The following SMYD3 variants were observed in gnomAD, a reference collection of about 807,000 sequenced individuals.
SMYD3 encodes the protein SET and MYND domain containing 3.
SMYD3 carries 36 observed loss-of-function variants against 57.7 expected under a neutral mutation model. The ratio of observed to expected loss-of-function variants is 0.62; its 90% CI spans 0.48 to 0.82. The LOEUF (loss-of-function observed/expected upper bound fraction) is 0.82, where lower values mean the gene tolerates loss of function less well. Among genes scored for constraint, SMYD3 ranks in the 40% least tolerant of loss-of-function variants. The pLI is 0.00. For missense variants in SMYD3, 515 were observed against 538.8 expected, an observed-to-expected ratio of 0.96 and a Z score of 0.44; for synonymous variants, 211 against 195.0, an observed-to-expected ratio of 1.08 and a Z score of -0.68.
chr1:246,155,372 G>A (rs969231240), intron 5 of SMYD3, among the ~76,000 whole-genome samples: 2 of 152,086 alleles, frequency 1.3e-5, no homozygotes, highest in Non-Finnish European at 2.9e-5. Context: ...ATTTCCATAC[G>A]TTTCTTGTTT....
intron 5 of SMYD3, chr1:246,052,730 T>G (rs556048875): frequency 6.6e-6 from 1 of 152,244 alleles, no homozygotes; most frequent in Non-Finnish European, 1.5e-5. Flanking sequence ...CAGATCTCCT[T>G]TGAATCCCAG....
At chr1:246,009,131 G>A (rs1050775081) in intron 5 of SMYD3, among the ~76,000 whole-genome samples, 5 of 152,126 alleles carry the variant, frequency 3.3e-5, no homozygotes, top group Admixed American at 1.3e-4. Flanking sequence ...AGCAAAAATC[G>A]ACAGGTGTGT....
intron 5 of SMYD3, among the ~76,000 whole-genome samples, chr1:245,934,062 C>A (rs2056868843): frequency 6.6e-6 from 1 of 152,106 alleles, no homozygotes; most frequent in Non-Finnish European, 1.5e-5. Context: ...TTTCTGAACA[C>A]AACTATACAG....
chr1:245,955,670 C>T (rs922287172), intron 5 of SMYD3, among the ~76,000 whole-genome samples: 1 of 152,028 alleles, frequency 6.6e-6, no homozygotes, highest in Non-Finnish European at 1.5e-5. Flanking sequence ...ATAAATTAAA[C>T]TTTATTGTAA....
At chr1:245,925,743 T>C (rs1367721521) in intron 7 of SMYD3, among the ~76,000 whole-genome samples, 2 of 152,092 alleles carry the variant, frequency 1.3e-5, no homozygotes, top group African/African-American at 4.8e-5. Flanking sequence ...GATACAGAAA[T>C]AAGACACGAT....
chr1:246,381,574 G>A (rs1248231818), intron 1 of SMYD3, among the ~76,000 whole-genome samples: 2 of 152,194 alleles, frequency 1.3e-5, no homozygotes, highest in East Asian at 3.8e-4. Flanking sequence ...ACTGGTCAAT[G>A]TACTGGAGGC....
At chr1:245,860,626 T>C (rs1022794958) in intron 9 of SMYD3, among the ~76,000 whole-genome samples, 7 of 152,202 alleles carry the variant, frequency 4.6e-5, no homozygotes, top group African/African-American at 1.7e-4. Flanking sequence ...GAATTGACCC[T>C]GATCCCAGAA....
At chr1:245,862,876 AC>A (rs1261341370) in intron 9 of SMYD3, among the ~76,000 whole-genome samples, 4 of 152,152 alleles carry the variant, frequency 2.6e-5, no homozygotes, top group African/African-American at 9.7e-5. Flanking sequence ...TTCCTTAGTA[AC>A]CAATCCTAGA....
At chr1:246,284,731 T>C in intron 5 of SMYD3, among the ~76,000 whole-genome samples, 1 of 152,148 alleles carries the variant, frequency 6.6e-6, no homozygotes, top group South Asian at 2.1e-4. Context: ...TTCTTTTATT[T>C]TTCTTTACTT....
intron 1 of SMYD3, among the ~76,000 whole-genome samples, chr1:246,444,675 T>C (rs1353388428): frequency 8.5e-5 from 13 of 152,174 alleles, no homozygotes; most frequent in Admixed American, 2.6e-4. Context: ...ATTAAAACTA[T>C]TTTTGCATGC....
intron 5 of SMYD3, among the ~76,000 whole-genome samples, chr1:246,050,116 T>C (rs1330214920): frequency 6.6e-6 from 1 of 152,234 alleles, no homozygotes; most frequent in African/African-American, 2.4e-5. Context: ...AGTGTTCTTT[T>C]CACTTTGAAA....
At chr1:245,927,822 G>A in intron 7 of SMYD3, 109 bp downstream of exon 7, 1 of 762,368 alleles carries the variant, frequency 1.3e-6, no homozygotes, top group South Asian at 1.4e-5. Context: ...ACTGGCAGAA[G>A]GACAATGAAA....
chr1:246,506,981 C>CCCCCCACCCCCCCCCCCCCCCCCCA, intron 1 of SMYD3, 73 bp downstream of exon 1: 1 of 805,620 alleles, frequency 1.2e-6, no homozygotes. Context: ...GGCTGCCGGC[C>CCCCCCACCCCCCCCCCCCCCCCCCA]GCCCGACGCC....
chr1:245,961,601 A>C (rs577924266), intron 5 of SMYD3, among the ~76,000 whole-genome samples: 1 of 152,270 alleles, frequency 6.6e-6, no homozygotes, highest in East Asian at 1.9e-4. Context: ...GGAAAATTTA[A>C]ACACTGTCAT....
At chr1:246,237,420 G>A (rs2063530138) in intron 5 of SMYD3, among the ~76,000 whole-genome samples, 1 of 152,064 alleles carries the variant, frequency 6.6e-6, no homozygotes, top group South Asian at 2.1e-4. Flanking sequence ...TTCTATTACT[G>A]TTATTACTAG....
At chr1:246,147,386 C>A (rs1330428640) in intron 5 of SMYD3, among the ~76,000 whole-genome samples, 2 of 152,156 alleles carry the variant, frequency 1.3e-5, no homozygotes, top group Non-Finnish European at 2.9e-5. Flanking sequence ...AAACAGCCCC[C>A]ATGAAGAGTA....
intron 1 of SMYD3, among the ~76,000 whole-genome samples, chr1:246,362,568 C>G (rs913903625): frequency 6.6e-5 from 10 of 152,224 alleles, no homozygotes; most frequent in African/African-American, 2.2e-4. Flanking sequence ...CTGCCTGATT[C>G]TCCCGCCTCA....
chr1:246,210,972 T>G (rs954841109), intron 5 of SMYD3, among the ~76,000 whole-genome samples: 1 of 152,166 alleles, frequency 6.6e-6, no homozygotes, highest in African/African-American at 2.4e-5. Flanking sequence ...GCGCGTCTGC[T>G]GTGAAAGCCG....
chr1:246,101,071 G>GTTTTTTTTT (rs754724096), intron 5 of SMYD3, among the ~76,000 whole-genome samples: 8 of 54,112 alleles, frequency 1.5e-4, no homozygotes, highest in East Asian at 5.4e-4. Context: ...GGGGTTTTTT[G>GTTTTTTTTT]TTTTTTTTTT....
Sources: allele counts gnomAD v4.1 joint callset (sites outside exome capture counted in the v4.1 genomes callset), GRCh38; gene constraint gnomAD v4.1.1; transcripts MANE v1.5; gene names NCBI Gene and HGNC (gene_info 2026-07-23, HGNC 2026-07-21).